Variants in SMARCC2 observed in about 807,000 individuals in gnomAD.
SMARCC2 encodes the protein SWI/SNF related BAF chromatin remodeling complex subunit C2, also known as SWI/SNF complex subunit SMARCC2.
In SMARCC2, 15 loss-of-function variants were observed where a neutral mutation model predicts 151.3. That is an observed-to-expected ratio of 0.10 (90% confidence interval 0.07 to 0.15). SMARCC2 has a LOEUF of 0.15. Ranked by LOEUF, SMARCC2 falls within the 10% of genes least tolerant of loss-of-function variation. The pLI is 1.00. For missense variants in SMARCC2, 1,031 were observed against 1,599.7 expected, an observed-to-expected ratio of 0.64 and a Z score of 6.06; for synonymous variants, 590 against 609.5, an observed-to-expected ratio of 0.97 and a Z score of 0.47.
intron 8 of SMARCC2, 68 bp from the exon 9 acceptor site, chr12:56,181,903 A>G: frequency 1.2e-6 from 2 of 1,607,640 alleles, no homozygotes; most frequent in Non-Finnish European, 1.7e-6. Flanking sequence ...GGGACCCTTA[A>G]CAGAAAAAGC....
Position 56,172,695 on chromosome 12 carries a change from C to G in SMARCC2, c.1753G>C (p.Ala585Pro). 6.2e-7 allele frequency: 1 copy of G among 1,614,200 alleles called. No homozygotes were observed. The highest frequency in any genetic ancestry group is 8.5e-7 in the Non-Finnish European group (1 of 1,180,052). ...GGAAAGTTGAGCATTTGTTGGGAAG[C>G]AGAGGTCTGCTATTTGTGGAGGGAA... ...AKGKPELQTS[A>P]SQQMLNFPDK... is the part of the protein sequence containing the mutation. Residue 585 changes from alanine (A) to proline (P), a missense_variant, in exon 19 of 29, where the codon GCT (alanine) becomes CCT (proline). Ala to Pro is a conservative substitution (Grantham distance 27, BLOSUM62 -1). Coordinates refer to ENST00000550164, the MANE Select transcript of SMARCC2 (RefSeq NM_001330288.2).
rs1471339740 is a variant in SMARCC2 at position 56,172,890 on chromosome 12, A to G, written c.1743+47T>C. 1.9e-6 allele frequency: 3 copies of G among 1,597,650 alleles called. No individual in the cohort carries two copies. In the South Asian group the frequency reaches 3.3e-5, roughly 18 times the overall value. ...TCTTCTTCCCGGGCAGGGGCCCCCC[A>G]ATAAAGGGGAAAATGAGCAGCCCAG... On this transcript the variant is annotated intron_variant, in intron 18 of 28. Coordinates refer to ENST00000550164, the MANE Select transcript of SMARCC2 (RefSeq NM_001330288.2).
At chr12:56,168,564 G>A (rs2135665019) in intron 25 of SMARCC2, among the ~76,000 whole-genome samples, 1 of 152,052 alleles carries the variant, frequency 6.6e-6, no homozygotes, top group South Asian at 2.1e-4. Context: ...AGTAGAGATG[G>A]GGTTTCACCA....
At chr12:56,181,327 C>T in intron 10 of SMARCC2, 155 bp downstream of exon 10, 1 of 645,076 alleles carries the variant, frequency 1.6e-6, no homozygotes, top group Admixed American at 3.0e-5. Context: ...AACTGAGCAG[C>T]TAAAGATCTC....
At chr12:56,181,191 G>A in intron 10 of SMARCC2, 90 bp from the exon 11 acceptor site, 1 of 1,331,138 alleles carries the variant, frequency 7.5e-7, no homozygotes, top group East Asian at 2.3e-5. Flanking sequence ...AAGTGACAGA[G>A]AATTCCAAGG....
At chr12:56,169,495 T>A in intron 25 of SMARCC2, 34 bp downstream of exon 25, 1 of 1,604,700 alleles carries the variant, frequency 6.2e-7, no homozygotes, top group Middle Eastern at 1.7e-4. Context: ...AAGTGGACAT[T>A]TTCTTCCCTG....
chr12:56,169,841 T>C lies in SMARCC2; in HGVS notation c.2483A>G (p.Asp828Gly), dbSNP rs1391470396. 6.2e-7 allele frequency: 1 copy of C among 1,613,930 alleles called. No individual in the cohort carries two copies. The highest frequency in any genetic ancestry group is 1.3e-5 in the African/African-American group (1 of 74,902). ...KEKTSEAPKK[D>G]EEKGKEGDSE... is the part of the protein sequence containing the mutation. The stretch of plus-strand genomic sequence containing the variant: ...GTCGCCTTCTTTCCCTTTCTCCTCA[T>C]CCTTCTTGGGAGCCTCGCTGGTTTT... Residue 828 changes from aspartate to glycine, a missense_variant, in exon 24 of 29, where the codon GAT (aspartate) becomes GGT (glycine). By Grantham distance (94) the Asp-to-Gly change is moderately conservative (BLOSUM62 -1). Coordinates refer to ENST00000550164, the MANE Select transcript of SMARCC2 (RefSeq NM_001330288.2).
Position 56,164,311 on chromosome 12 carries a change from G to A in SMARCC2, c.3653C>T (p.Pro1218Leu). 6.2e-7 allele frequency: 1 copy of A among 1,612,736 alleles called. No homozygotes were observed. The highest frequency in any genetic ancestry group is 8.5e-7 in the Non-Finnish European group (1 of 1,179,846). The stretch of plus-strand genomic sequence containing the variant: ...TCTTGGCCCCTTCTCACCTGGCAGT[G>A]GGCTGGCACTGGGCAGGAGGTTGCC... ...VQGNLLPSAS[P>L]LPDPGTPLPP... The change falls in exon 28 of 29, where the codon CCA becomes CTA. Residue 1218 changes from proline to leucine, a missense_variant. By Grantham distance (98) the Pro-to-Leu change is moderately conservative. This residue lies in a region of SMARCC2 where 310 missense variants were observed against 350.0 expected (regional missense o/e 0.89). Coordinates refer to ENST00000550164, the MANE Select transcript of SMARCC2 (RefSeq NM_001330288.2).
rs1447739085 is a variant in SMARCC2, at chr12:56,179,771, C to T, written c.1082-715G>A. Among the ~76,000 whole-genome samples the T allele has an allele frequency of 3.3e-5, 5 of 152,232 alleles. No individual in the cohort carries two copies. In the East Asian group the frequency reaches 9.7e-4, roughly 29 times the overall value. On this transcript the variant is annotated intron_variant, in intron 11 of 28. Coordinates refer to ENST00000550164, the MANE Select transcript of SMARCC2 (RefSeq NM_001330288.2). The stretch of plus-strand genomic sequence containing the variant: ...GTGCGATCTCGGCTCACTGCAACCT[C>T]CACCTCCCAGATTCAAGTGATTCTC...
chr12:56,180,929 C>A (rs780471369), intron 11 of SMARCC2, 48 bp downstream of exon 11: 19 of 1,572,726 alleles, frequency 1.2e-5, no homozygotes, highest in Non-Finnish European at 1.5e-5. Context: ...AAAGGAGAGT[C>A]AAGACGGGGA....
At position 56,171,946 on chromosome 12, in the gene SMARCC2, AGTG is replaced by A; in HGVS notation, c.1927-12_1927-10del. ...TTGTACATTTCCAGTGCCTGGTGGT[AGTG>A]GTGGAGACATAACTCCGCTTACTTA... On this transcript the variant is annotated splice_polypyrimidine_tract_variant and intron_variant, in intron 20 of 28. Coordinates refer to ENST00000550164, the MANE Select transcript of SMARCC2 (RefSeq NM_001330288.2). This position sits in a 1 kb window ranked among gnomAD's most constrained non-coding sequence, Gnocchi z 4.2. 1.3e-6 allele frequency: 2 copies of A among 1,593,742 alleles called. No homozygotes were observed. Among genetic ancestry groups the A allele is most frequent in the South Asian group, 1.1e-5 (1 of 88,472 alleles).
At chr12:56,180,021 A>G (rs1354524015) in intron 11 of SMARCC2, among the ~76,000 whole-genome samples, 1 of 151,614 alleles carries the variant, frequency 6.6e-6, no homozygotes, top group Non-Finnish European at 1.5e-5. Context: ...TACATTTTTC[A>G]ATTTTTTAGA....
At chr12:56,163,791 G>C in intron 28 of SMARCC2, 26 bp from the exon 29 acceptor site, 14 of 1,460,002 alleles carry the variant, frequency 9.6e-6, no homozygotes, top group Non-Finnish European at 1.3e-5. Flanking sequence ...AGATAAATCA[G>C]TTAGAGTACG....
chr12:56,179,441 T>TG (rs1875683677), intron 11 of SMARCC2, among the ~76,000 whole-genome samples: 1 of 152,140 alleles, frequency 6.6e-6, no homozygotes, highest in Non-Finnish European at 1.5e-5. Context: ...CATATACATA[T>TG]GCTCAGGAGC....
chr12:56,180,013 C>T (rs546995397), intron 11 of SMARCC2, among the ~76,000 whole-genome samples: 2 of 152,054 alleles, frequency 1.3e-5, no homozygotes, highest in Admixed American at 6.6e-5. Context: ...TCATTCTTTA[C>T]ATTTTTCAAT....
At chr12:56,174,056 C>T (rs1874471586) in intron 16 of SMARCC2, among the ~76,000 whole-genome samples, 1 of 152,194 alleles carries the variant, frequency 6.6e-6, no homozygotes, top group Non-Finnish European at 1.5e-5. Flanking sequence ...TCTACATCTT[C>T]AGCCTGGGCC....
At chr12:56,175,094 T>A (rs1233435568) in intron 15 of SMARCC2, among the ~76,000 whole-genome samples, 2 of 152,138 alleles carry the variant, frequency 1.3e-5, no homozygotes, top group Non-Finnish European at 2.9e-5. Context: ...TCATGGCAAC[T>A]TCCGCCTCCT....
In SMARCC2 at chr12:56,164,513, G is replaced by A. The variant is rs373783229; in HGVS notation, c.3451C>T (p.His1151Tyr). 2 of 1,614,072 alleles carry A rather than the reference G, an allele frequency of 1.2e-6. No individual in the cohort carries two copies. Among genetic ancestry groups the A allele is most frequent in the Admixed American group, 1.7e-5 (1 of 60,010 alleles). The change falls in exon 28 of 29, where the codon CAC (histidine) becomes TAC (tyrosine). Residue 1151 changes from histidine to tyrosine, a missense_variant. By Grantham distance (83) the His-to-Tyr change is moderately conservative (BLOSUM62 2). Around this residue, in one of 12 missense-constraint regions of SMARCC2, gnomAD observed 310 missense variants for 350.0 expected, o/e 0.89. Coordinates refer to ENST00000550164, the MANE Select transcript of SMARCC2 (RefSeq NM_001330288.2). ...LPAPPNLHGHHHHLPFAPGTL... is the reference protein window; with the variant it reads ...LPAPPNLHGHYHHLPFAPGTL... ...CCCGGGGCGAACGGGAGATGGTGGTGATGCCCATGCAGGTTAGGAGGAGCG... is the reference window on the plus strand; with the variant it reads ...CCCGGGGCGAACGGGAGATGGTGGTAATGCCCATGCAGGTTAGGAGGAGCG...
At chr12:56,180,939 AG>A in intron 11 of SMARCC2, 37 bp downstream of exon 11, 2 of 1,584,456 alleles carry the variant, frequency 1.3e-6, no homozygotes, top group Non-Finnish European at 1.7e-6. Flanking sequence ...CAAGACGGGG[AG>A]TGGGGGTGGA....
Sources: allele counts gnomAD v4.1 joint callset (sites outside exome capture counted in the v4.1 genomes callset), GRCh38; gene constraint gnomAD v4.1.1; regional missense constraint gnomAD v4.1.1; non-coding constraint Gnocchi (gnomAD v3.1); transcripts MANE v1.5; gene names NCBI Gene and HGNC (gene_info 2026-07-23, HGNC 2026-07-21).